The following NAALADL2 variants were observed in gnomAD, a reference collection of about 807,000 sequenced individuals.
The protein encoded by NAALADL2 is N-acetylated alpha-linked acidic dipeptidase like 2, also known as inactive N-acetylated-alpha-linked acidic dipeptidase-like protein 2.
In NAALADL2, 76 loss-of-function variants were observed where a neutral mutation model predicts 87.2. That is an observed-to-expected ratio of 0.87 (90% CI 0.72 to 1.05). The LOEUF (loss-of-function observed/expected upper bound fraction) is 1.05, where lower values mean the gene tolerates loss of function less well. NAALADL2 is among the 50% of genes least tolerant of loss of function. The pLI is 0.00. For missense variants in NAALADL2, 1,089 were observed against 945.8 expected (o/e 1.15, Z -1.99); for synonymous variants, 354 against 331.0 (o/e 1.07, Z -0.75).
At chr3:174,705,599 A>G (rs530933369) in intron 2 of NAALADL2, among the ~76,000 whole-genome samples, 64 of 152,160 alleles carry the variant, frequency 4.2e-4, no homozygotes, top group African/African-American at 1.5e-3. Flanking sequence ...CCTGGCTAAC[A>G]CGGTGAAACC....
intron 11 of NAALADL2, among the ~76,000 whole-genome samples, chr3:175,673,999 A>G (rs563427307): frequency 6.6e-6 from 1 of 152,140 alleles, no homozygotes; most frequent in Admixed American, 6.5e-5. Flanking sequence ...AAAGATCCCT[A>G]TAATGTTATG....
chr3:174,688,674 C>A (rs902093339), intron 2 of NAALADL2, among the ~76,000 whole-genome samples: 1 of 150,890 alleles, frequency 6.6e-6, no homozygotes, highest in Non-Finnish European at 1.5e-5. Flanking sequence ...TATGTTGTAG[C>A]GATTCAACTT....
chr3:175,026,482 TAAAAAAAAA>T, intron 1 of NAALADL2, among the ~76,000 whole-genome samples: 1 of 85,486 alleles, frequency 1.2e-5, no homozygotes, highest in Admixed American at 1.3e-4. Context: ...CCGTCTCTAC[TAAAAAAAAA>T]AAAAAAAAAA....
chr3:174,848,783 G>A (rs548606776), intron 3 of NAALADL2, among the ~76,000 whole-genome samples: 13 of 152,184 alleles, frequency 8.5e-5, no homozygotes, highest in East Asian at 3.9e-4. Context: ...TTGTTGTTGC[G>A]TGAACACCAT....
intron 1 of NAALADL2, among the ~76,000 whole-genome samples, chr3:174,905,801 C>T (rs147122915): frequency 3.3e-3 from 499 of 152,064 alleles, no homozygotes; most frequent in Middle Eastern, 6.8e-3. Flanking sequence ...GAGAGGCCAT[C>T]TAAGGAAATG....
chr3:174,924,430 A>G lies in NAALADL2; in HGVS notation c.43+64980A>G, dbSNP rs4894691. On this transcript the variant is annotated intron_variant, in intron 1 of 13. Coordinates refer to ENST00000454872, the MANE Select transcript of NAALADL2 (RefSeq NM_207015.3). ...GGCTGCATAGTATTCCATGGTGTAT[A>G]TGTGCCACATTTTCTTAATCCAGTC... Among the ~76,000 whole-genome samples, 365 of 152,016 alleles carry G rather than the reference A, an allele frequency of 2.4e-3. 4 individuals carry two copies. The highest frequency in any genetic ancestry group is 0.022 in the Admixed American group (329 of 15,252).
At chr3:175,755,185 G>A (rs751013291) in intron 12 of NAALADL2, 35 bp from the exon 13 acceptor site, 4 of 1,574,220 alleles carry the variant, frequency 2.5e-6, no homozygotes, top group Non-Finnish European at 3.5e-6. Flanking sequence ...CCTTGAGAAT[G>A]TCTCTTCTGA....
rs1304623993 is a variant in NAALADL2 at position 175,498,805 on chromosome 3, G to C, written c.1653+27047G>C. On this transcript the variant is annotated intron_variant, in intron 9 of 13. Transcript: ENST00000454872. ...TGAAGTCCTAACCCACAGTACCCCAGAATGTGACTGTATTTAGATAGGGTC... is the reference window on the plus strand; with the variant it reads ...TGAAGTCCTAACCCACAGTACCCCACAATGTGACTGTATTTAGATAGGGTC... Among the ~76,000 whole-genome samples, 7 of 152,104 alleles carry C rather than the reference G, an allele frequency of 4.6e-5. No individual in the cohort carries two copies. The East Asian group carries it at 1.4e-3, about 30-fold the overall frequency.
At chr3:174,708,336 A>G (rs1015529733) in intron 2 of NAALADL2, among the ~76,000 whole-genome samples, 2 of 152,220 alleles carry the variant, frequency 1.3e-5, no homozygotes, top group Non-Finnish European at 2.9e-5. Context: ...AGTTATTGCT[A>G]CATACATAGT....
chr3:175,435,791 A>G (rs1303035987), intron 5 of NAALADL2, among the ~76,000 whole-genome samples: 1 of 151,778 alleles, frequency 6.6e-6, no homozygotes, highest in Non-Finnish European at 1.5e-5. Flanking sequence ...GTACCTATGG[A>G]TAAGCTAATT....
chr3:175,016,280 A>T (rs1273218445), intron 1 of NAALADL2, among the ~76,000 whole-genome samples: 1 of 129,818 alleles, frequency 7.7e-6, no homozygotes, highest in Admixed American at 7.6e-5. Context: ...TATATATAAA[A>T]AACAATAGCA....
chr3:175,065,235 C>T lies in NAALADL2; in HGVS notation c.44-31555C>T, dbSNP rs1269172354. Among the ~76,000 whole-genome samples the T allele has an allele frequency of 5.3e-5, 8 of 152,214 alleles. No homozygotes were observed. The South Asian group carries it at 6.2e-4, about 12-fold the overall frequency. On this transcript the variant is annotated intron_variant, in intron 1 of 13. Transcript: ENST00000454872. ...GCTTGATGGACCCACATTTAGGAGA[C>T]GCTTAACAACCTAGTGCTTCTATTG... is the stretch of plus-strand genomic sequence containing the variant.
chr3:175,229,343 G>A (rs916161408), intron 2 of NAALADL2, among the ~76,000 whole-genome samples: 1 of 151,908 alleles, frequency 6.6e-6, no homozygotes, highest in South Asian at 2.1e-4. Flanking sequence ...GAGTTTAGCA[G>A]GTTTTCTTTA....
chr3:174,542,155 T>C (rs1156307377), intron 1 of NAALADL2, among the ~76,000 whole-genome samples: 1 of 152,186 alleles, frequency 6.6e-6, no homozygotes, highest in Non-Finnish European at 1.5e-5. Context: ...CTTATGCTGA[T>C]ACACATCAGG....
At chr3:175,786,583 T>G (rs980946330) in intron 13 of NAALADL2, among the ~76,000 whole-genome samples, 9 of 152,260 alleles carry the variant, frequency 5.9e-5, no homozygotes, top group Non-Finnish European at 1.0e-4. Flanking sequence ...GTATTGGTTA[T>G]TCTAGTTATA....
chr3:175,410,399 C>G (rs1289826433), intron 5 of NAALADL2, among the ~76,000 whole-genome samples: 2 of 152,092 alleles, frequency 1.3e-5, no homozygotes, highest in Non-Finnish European at 2.9e-5. Flanking sequence ...CACAGAGAAG[C>G]TCTGTATGAA....
At chr3:175,561,659 C>T (rs924498411) in intron 9 of NAALADL2, among the ~76,000 whole-genome samples, 6 of 152,044 alleles carry the variant, frequency 3.9e-5, no homozygotes, top group African/African-American at 1.4e-4. Flanking sequence ...TCCATGGCTT[C>T]CACTTCTGTA....
chr3:175,787,430 G>A (rs942756355), intron 13 of NAALADL2, among the ~76,000 whole-genome samples: 3 of 152,188 alleles, frequency 2.0e-5, no homozygotes, highest in African/African-American at 7.2e-5. Context: ...CGTTTTTTAA[G>A]CCGGTCCGAA....
At chr3:175,175,572 A>G (rs188010476) in intron 2 of NAALADL2, among the ~76,000 whole-genome samples, 3 of 152,130 alleles carry the variant, frequency 2.0e-5, no homozygotes, top group South Asian at 4.1e-4. Context: ...GAATACCTGC[A>G]TGTAGTTTTA....
Sources: gnomAD v4.1 joint callset for allele counts (sites outside exome capture counted in the v4.1 genomes callset) on GRCh38, gnomAD v4.1.1 for gene constraint, MANE v1.5 for transcripts, NCBI Gene and HGNC (gene_info 2026-07-23, HGNC 2026-07-21) for gene names.